LRGUK: variants seen among roughly 807,000 people sequenced by gnomAD.
LRGUK encodes leucine rich repeats and guanylate kinase domain containing.
Under a neutral mutation model 76.0 loss-of-function variants are expected in LRGUK, and 65 were observed. The ratio of observed to expected loss-of-function variants is 0.85; its 90% CI spans 0.70 to 1.05. The LOEUF (loss-of-function observed/expected upper bound fraction) is 1.05. LRGUK is among the 50% of genes least tolerant of loss of function. LRGUK has a pLI of 0.00. For synonymous variants in LRGUK, 268 were observed against 265.6 expected, an observed-to-expected ratio of 1.01 and a Z score of -0.09; for missense variants, 758 against 732.8, an observed-to-expected ratio of 1.03 and a Z score of -0.40.
At chr7:134,189,269 A>G (rs1345564605) in intron 11 of LRGUK, among the ~76,000 whole-genome samples, 1 of 152,170 alleles carries the variant, frequency 6.6e-6, no homozygotes, top group Non-Finnish European at 1.5e-5. Context: ...AAGGGAAAAG[A>G]AGAATTTTGA....
chr7:134,140,564 T>C (rs1377151166), intron 3 of LRGUK, among the ~76,000 whole-genome samples: 2 of 152,188 alleles, frequency 1.3e-5, no homozygotes, highest in African/African-American at 4.8e-5. Context: ...TCTAGGGAAG[T>C]GAGCAAATCA....
At chr7:134,130,491 C>T (rs1156762960) in intron 1 of LRGUK, among the ~76,000 whole-genome samples, 2 of 152,194 alleles carry the variant, frequency 1.3e-5, no homozygotes, top group Non-Finnish European at 2.9e-5. Flanking sequence ...TTCATTATTT[C>T]TTCCATTTAC....
chr7:134,209,865 G>A (rs1409392136), exon 16 of LRGUK: 1 of 399,164 alleles, frequency 2.5e-6, no homozygotes, highest in Non-Finnish European at 4.4e-6. Context: ...CGCATCCTCA[G>A]TCCCGCCCAG....
downstream of LRGUK, among the ~76,000 whole-genome samples, chr7:134,266,580 G>A (rs1428484141): frequency 6.6e-6 from 1 of 152,154 alleles, no homozygotes; most frequent in Non-Finnish European, 1.5e-5. Context: ...CCTTAAGACA[G>A]AAGAATTGAA....
chr7:134,209,949 C>T (rs563833889), exon 16 of LRGUK: 13 of 399,306 alleles, frequency 3.3e-5, no homozygotes, highest in African/African-American at 2.1e-4. Flanking sequence ...CCCCAGAACT[C>T]GGGGACTCAG....
Position 134,158,160 on chromosome 7 carries a change from G to A in LRGUK, c.795+1G>A, listed in dbSNP as rs980210158. On this transcript the variant is annotated splice_donor_variant, in intron 6 of 15. Transcript: ENST00000645682. LOFTEE classifies it high-confidence loss of function. ...GTTACCAATCAAAATACTTTGTCTGGTGAGTCTAACAAAATGCTGTTCTTT... is the reference window on the plus strand; with the variant it reads ...GTTACCAATCAAAATACTTTGTCTGATGAGTCTAACAAAATGCTGTTCTTT... The A allele has an allele frequency of 6.8e-6, 11 of 1,611,150 alleles. No individual in the cohort carries two copies. The highest frequency in any genetic ancestry group is 5.0e-5 in the Admixed American group (3 of 59,938).
At chr7:134,163,901 T>G (rs1026717599) in intron 7 of LRGUK, among the ~76,000 whole-genome samples, 1 of 152,162 alleles carries the variant, frequency 6.6e-6, no homozygotes, top group Non-Finnish European at 1.5e-5. Context: ...GAATAGCCAT[T>G]GGCTGGTGTT....
At chr7:134,139,339 G>A in intron 2 of LRGUK, 97 bp from the exon 3 acceptor site, 1 of 761,756 alleles carries the variant, frequency 1.3e-6, no homozygotes, top group Non-Finnish European at 2.2e-6. Flanking sequence ...ACTTGTGAAA[G>A]AAATTCTGGA....
chr7:134,131,374 G>A (rs1797298820), intron 1 of LRGUK, among the ~76,000 whole-genome samples: 1 of 152,222 alleles, frequency 6.6e-6, no homozygotes, highest in South Asian at 2.1e-4. Flanking sequence ...AGTGAGATAA[G>A]AATGCGAGTA....
downstream of LRGUK, among the ~76,000 whole-genome samples, chr7:134,267,272 A>G (rs1002336141): frequency 6.6e-5 from 10 of 152,230 alleles, no homozygotes; most frequent in South Asian, 2.1e-4. Flanking sequence ...TTGTAACTAC[A>G]TGGATGTAGC....
intron 5 of LRGUK, among the ~76,000 whole-genome samples, chr7:134,152,741 A>G (rs1798274890): frequency 1.3e-5 from 2 of 152,068 alleles, no homozygotes; most frequent in Admixed American, 6.5e-5. Flanking sequence ...TATATGTGGA[A>G]AGTTTAGTAT....
chr7:134,249,486 A>G (rs1458175436), intron 18 of LRGUK, among the ~76,000 whole-genome samples: 1 of 152,116 alleles, frequency 6.6e-6, no homozygotes, highest in Admixed American at 6.5e-5. Flanking sequence ...TTCCCGCCTC[A>G]TTTTAAGGCC....
At chr7:134,224,444 C>T (rs546440377) in intron 16 of LRGUK, among the ~76,000 whole-genome samples, 98 of 152,100 alleles carry the variant, frequency 6.4e-4, no homozygotes, top group African/African-American at 2.2e-3. Flanking sequence ...CTTAGTAAAC[C>T]GATGCAGGAT....
exon 9 of LRGUK, chr7:134,177,054 G>A (rs1261782044): frequency 1.3e-6 from 2 of 1,590,424 alleles, no homozygotes; most frequent in East Asian, 2.2e-5. Flanking sequence ...AGATTAAAGT[G>A]GAAGAAAAGG....
chr7:134,201,725 A>G (rs1368550675), intron 15 of LRGUK, 149 bp downstream of exon 15: 3 of 593,900 alleles, frequency 5.1e-6, no homozygotes, highest in African/African-American at 3.7e-5. Context: ...TCCCCAAAAC[A>G]AGCAGCATGA....
At chr7:134,146,484 A>G (rs773355514) in intron 4 of LRGUK, among the ~76,000 whole-genome samples, 2 of 152,178 alleles carry the variant, frequency 1.3e-5, no homozygotes, top group Non-Finnish European at 2.9e-5. Context: ...GTTAAACTCC[A>G]TTTACATCAT....
At chr7:134,140,707 T>C (rs17167477) in intron 3 of LRGUK, among the ~76,000 whole-genome samples, 17,263 of 152,116 alleles carry the variant, frequency 0.11, 1,248 homozygotes, top group East Asian at 0.33. Flanking sequence ...TCTAGGACCC[T>C]AATAAAGTCC....
At chr7:134,215,756 C>T (rs1482517405) in intron 15 of LRGUK, among the ~76,000 whole-genome samples, 3 of 152,072 alleles carry the variant, frequency 2.0e-5, no homozygotes, top group Non-Finnish European at 2.9e-5. Flanking sequence ...TAGCACAGTA[C>T]GTCTGTAAAT....
intron 3 of LRGUK, among the ~76,000 whole-genome samples, 158 bp from the exon 4 acceptor site, chr7:134,142,904 T>C (rs1468341661): frequency 6.6e-6 from 1 of 152,230 alleles, no homozygotes; most frequent in Non-Finnish European, 1.5e-5. Flanking sequence ...ATATTTCACA[T>C]ACTCCTGATT....
Sources: gnomAD v4.1 joint callset for allele counts (sites outside exome capture counted in the v4.1 genomes callset) on GRCh38, gnomAD v4.1.1 for gene constraint, MANE v1.5 for transcripts, NCBI Gene and HGNC (gene_info 2026-07-23, HGNC 2026-07-21) for gene names.